Variants in DUSP16 observed in about 807,000 individuals in gnomAD.
DUSP16 encodes dual specificity phosphatase 16.
In DUSP16, 21 loss-of-function variants were observed where a neutral mutation model predicts 58.3. The observed-to-expected ratio is 0.36, with a 90% CI of 0.26 to 0.52. The LOEUF is 0.52. Among genes scored for constraint, DUSP16 ranks in the 20% least tolerant of loss-of-function variants. The pLI is 0.94. For synonymous variants in DUSP16, 320 were observed against 323.8 expected (o/e 0.99, Z 0.12); for missense variants, 726 against 819.0 (o/e 0.89, Z 1.39).
intron 1 of DUSP16, among the ~76,000 whole-genome samples, chr12:12,558,006 C>G (rs1176589073): frequency 1.3e-5 from 2 of 152,204 alleles, no homozygotes; most frequent in Admixed American, 1.3e-4. Context: ...CTCCCTGAGC[C>G]CTCTTTCTCT....
chr12:12,485,046 G>C (rs1427963015), intron 5 of DUSP16, among the ~76,000 whole-genome samples: 1 of 146,548 alleles, frequency 6.8e-6, no homozygotes, highest in African/African-American at 2.5e-5. Flanking sequence ...GTTTCACTCT[G>C]TTACCCAGGC....
intron 1 of DUSP16, among the ~76,000 whole-genome samples, chr12:12,552,707 T>C (rs1944747444): frequency 6.6e-6 from 1 of 152,236 alleles, no homozygotes; most frequent in Non-Finnish European, 1.5e-5. Context: ...AATGCCATGT[T>C]TCTCACCAGA....
In DUSP16 at chr12:12,476,804, GTC is replaced by G. The variant is rs1943447557; in HGVS notation, c.*27_*28del. On this transcript the variant is annotated 3_prime_UTR_variant, in exon 7 of 7. Coordinates refer to ENST00000298573, the MANE Select transcript of DUSP16 (RefSeq NM_030640.3). ...TTTTTGTGAACAAGAAAAAAAAATT[GTC>G]TATAGAAGTCACAAGTGTCTTTCTT... The G allele has an allele frequency of 4.6e-6, 7 of 1,521,910 alleles. No individual in the cohort carries two copies. Among genetic ancestry groups the G allele is most frequent in the Non-Finnish European group, 5.3e-6 (6 of 1,142,028 alleles). 94.3% of individuals were successfully genotyped at this position (1,521,910 alleles called of 1,614,324 possible).
intron 1 of DUSP16, among the ~76,000 whole-genome samples, chr12:12,525,745 C>T (rs1944297244): frequency 6.6e-6 from 1 of 151,686 alleles, no homozygotes; most frequent in African/African-American, 2.4e-5. Flanking sequence ...CACACACACA[C>T]ACACACACAC....
At chr12:12,540,949 CTTT>C (rs1191975095) in intron 1 of DUSP16, among the ~76,000 whole-genome samples, 1,128 of 43,418 alleles carry the variant, frequency 0.026, 7 homozygotes, top group East Asian at 0.19. Flanking sequence ...CTTTTCTTTT[CTTT>C]TTTTTTTTTT....
At chr12:12,503,127 C>A (rs893767301) in intron 3 of DUSP16, among the ~76,000 whole-genome samples, 3 of 152,130 alleles carry the variant, frequency 2.0e-5, no homozygotes, top group Non-Finnish European at 4.4e-5. Flanking sequence ...AATGATCACA[C>A]CTATCTCACA....
At chr12:12,484,069 CTGTA>C (rs1023056816) in intron 5 of DUSP16, among the ~76,000 whole-genome samples, 17 of 151,974 alleles carry the variant, frequency 1.1e-4, no homozygotes, top group Non-Finnish European at 2.2e-4. Flanking sequence ...TTCTACTACT[CTGTA>C]TGTATGTGGG....
rs146303955 is a variant in DUSP16, at chr12:12,525,817, A to G, written c.-365-4354T>C. 3.5e-3 allele frequency among the ~76,000 whole-genome samples: 528 copies of G among 152,214 alleles called. 3 individuals are homozygous for G. The highest frequency in any genetic ancestry group is 5.4e-3 in the Non-Finnish European group (365 of 68,004). ...TACCTAAGAAGCTGACAAGTAACTC[A>G]TAATAGTGTGCTCAAAAGGTTAGCA... On this transcript the variant is annotated intron_variant, in intron 1 of 6. Transcript: ENST00000298573.
chr12:12,499,557 A>G lies in DUSP16; in HGVS notation c.531+962T>C, dbSNP rs77968982. 1.7e-3 allele frequency among the ~76,000 whole-genome samples: 259 copies of G among 152,320 alleles called. 2 individuals carry two copies. Among genetic ancestry groups the G allele is most frequent in the African/African-American group, 5.7e-3 (236 of 41,574 alleles). ...ATGATCGGGTATTTTTCTTCCTCCTAGAAAGCCTTGCCTTCCAGGTGCTAA... is the reference window on the plus strand; with the variant it reads ...ATGATCGGGTATTTTTCTTCCTCCTGGAAAGCCTTGCCTTCCAGGTGCTAA... On this transcript the variant is annotated intron_variant, in intron 4 of 6. Transcript: ENST00000298573.
intron 2 of DUSP16, among the ~76,000 whole-genome samples, 165 bp from the exon 3 acceptor site, chr12:12,520,165 T>C (rs1280993008): frequency 6.6e-6 from 1 of 152,220 alleles, no homozygotes; most frequent in Non-Finnish European, 1.5e-5. Context: ...GACAGACACA[T>C]ACAAAACTCT....
intron 1 of DUSP16, among the ~76,000 whole-genome samples, chr12:12,537,051 C>A (rs1192634812): frequency 2.6e-5 from 4 of 152,102 alleles, no homozygotes; most frequent in African/African-American, 7.2e-5. Context: ...CTCAAAAAAA[C>A]AGGCTGAAAT....
chr12:12,518,800 C>T lies in DUSP16; in HGVS notation c.367+1062G>A, dbSNP rs187361496. Among the ~76,000 whole-genome samples the T allele has an allele frequency of 5.9e-5, 9 of 152,190 alleles. No individual in the cohort carries two copies. The East Asian group carries it at 1.2e-3, about 20-fold the overall frequency. On this transcript the variant is annotated intron_variant, in intron 3 of 6. Coordinates refer to ENST00000298573, the MANE Select transcript of DUSP16 (RefSeq NM_030640.3). Reference sequence around the variant, plus strand: ...TAAGAACACTAATTGAAAGATCAGACGGAATCACAGCATAAATGAAAGGTG... The same window carrying T: ...TAAGAACACTAATTGAAAGATCAGATGGAATCACAGCATAAATGAAAGGTG...
intron 5 of DUSP16, among the ~76,000 whole-genome samples, chr12:12,485,977 T>C (rs1943675738): frequency 6.6e-6 from 1 of 151,788 alleles, no homozygotes; most frequent in African/African-American, 2.4e-5. Context: ...GTATTTTTAG[T>C]AGAGATGGGT....
intron 4 of DUSP16, among the ~76,000 whole-genome samples, chr12:12,492,890 C>A (rs1346047085): frequency 2.6e-5 from 4 of 152,150 alleles, no homozygotes; most frequent in African/African-American, 9.7e-5. Context: ...TGTTTATTTG[C>A]CTCCCTGATT....
At chr12:12,496,134 G>A (rs1943824715) in intron 4 of DUSP16, among the ~76,000 whole-genome samples, 1 of 152,178 alleles carries the variant, frequency 6.6e-6, no homozygotes, top group African/African-American at 2.4e-5. Flanking sequence ...CACTGGGAGG[G>A]ACACTGTAGT....
At chr12:12,536,885 A>G (rs986731661) in intron 1 of DUSP16, among the ~76,000 whole-genome samples, 1 of 152,196 alleles carries the variant, frequency 6.6e-6, no homozygotes, top group East Asian at 1.9e-4. Context: ...CTAAAAACAC[A>G]AAAATTAGCC....
chr12:12,502,973 C>T (rs1943931693), intron 3 of DUSP16, among the ~76,000 whole-genome samples: 2 of 152,122 alleles, frequency 1.3e-5, no homozygotes, highest in South Asian at 4.1e-4. Context: ...TGTGGGCAAG[C>T]CCCATGATCA....
intron 1 of DUSP16, among the ~76,000 whole-genome samples, chr12:12,541,827 T>TG (rs1944563775): frequency 1.1e-5 from 1 of 93,468 alleles, no homozygotes; most frequent in Admixed American, 1.0e-4. Context: ...AAATCTAAAA[T>TG]AATTTAAGAA....
rs567682039 is a variant in DUSP16 at position 12,530,089 on chromosome 12, T to C, written c.-365-8626A>G. ...TTTAATTTTTTTTGAGGAACCTCCA[T>C]AGTGTTTTCCATAATGGCTATAAAT... On this transcript the variant is annotated intron_variant, in intron 1 of 6. Transcript: ENST00000298573. Among the ~76,000 whole-genome samples the C allele has an allele frequency of 2.6e-5, 4 of 152,326 alleles. No homozygotes were observed. In the South Asian group the frequency reaches 8.3e-4, roughly 32 times the overall value.
Sources: gnomAD v4.1 joint callset for allele counts (sites outside exome capture counted in the v4.1 genomes callset) on GRCh38, gnomAD v4.1.1 for gene constraint, MANE v1.5 for transcripts, NCBI Gene and HGNC (gene_info 2026-07-23, HGNC 2026-07-21) for gene names.